The following CACNB2 variants were observed in gnomAD, a reference collection of about 807,000 sequenced individuals.
CACNB2 encodes voltage-dependent L-type calcium channel subunit beta-2.
In CACNB2, 42 loss-of-function variants were observed where a neutral mutation model predicts 73.3. The ratio of observed to expected loss-of-function variants is 0.57; its 90% CI spans 0.45 to 0.74. CACNB2 has a LOEUF of 0.74. Among genes scored for constraint, CACNB2 ranks in the 30% least tolerant of loss-of-function variants. CACNB2 has a pLI of 0.00. For synonymous variants in CACNB2, 348 were observed against 310.3 expected (o/e 1.12, Z -1.28); for missense variants, 940 against 853.0 (o/e 1.10, Z -1.27).
chr10:18,167,006 A>G lies in CACNB2; in HGVS notation c.213+16031A>G, dbSNP rs2131126733. The stretch of plus-strand genomic sequence containing the variant: ...CCGTTTCCTCTCCCGCTCATTGAGA[A>G]TAAGACTGGAAATCCTGGAAAGCCC... On this transcript the variant is annotated intron_variant, in intron 2 of 13. Coordinates refer to ENST00000324631, the MANE Select transcript of CACNB2 (RefSeq NM_201596.3). Among the ~76,000 whole-genome samples the G allele has an allele frequency of 2.0e-5, 3 of 152,354 alleles. No homozygotes were observed. The Middle Eastern group carries it at 0.01, about 518-fold the overall frequency.
intron 2 of CACNB2, among the ~76,000 whole-genome samples, chr10:18,276,546 C>T (rs1344132624): frequency 6.6e-6 from 1 of 151,992 alleles, no homozygotes; most frequent in Non-Finnish European, 1.5e-5. Context: ...ACGCACCCAG[C>T]TCTGTAATCC....
intron 3 of CACNB2, among the ~76,000 whole-genome samples, chr10:18,461,699 C>G (rs910503441): frequency 2.6e-4 from 40 of 151,810 alleles, no homozygotes; most frequent in African/African-American, 9.7e-4. Context: ...TAATGCCACC[C>G]ACTCACCCAC....
intron 3 of CACNB2, among the ~76,000 whole-genome samples, chr10:18,457,887 T>C (rs531168325): frequency 3.2e-4 from 49 of 151,048 alleles, no homozygotes; most frequent in African/African-American, 1.2e-3. Context: ...CAAAACTCCA[T>C]CTCAAAAAAG....
chr10:18,496,141 G>C (rs145884093), intron 3 of CACNB2, among the ~76,000 whole-genome samples: 1 of 137,406 alleles, frequency 7.3e-6, no homozygotes, highest in East Asian at 2.1e-4. Flanking sequence ...AGCTGGGATC[G>C]TGCCACTGCA....
At chr10:18,497,468 G>C (rs754764880) in intron 3 of CACNB2, among the ~76,000 whole-genome samples, 5 of 152,058 alleles carry the variant, frequency 3.3e-5, no homozygotes, top group African/African-American at 4.8e-5. Flanking sequence ...CCCCCGGGCT[G>C]GAGTGCAGTC....
At chr10:18,164,923 C>CTCAT (rs1184834677) in intron 2 of CACNB2, among the ~76,000 whole-genome samples, 2 of 152,170 alleles carry the variant, frequency 1.3e-5, no homozygotes, top group Non-Finnish European at 2.9e-5. Flanking sequence ...TTCTTACTGA[C>CTCAT]TCATTCATTC....
At chr10:18,261,886 A>G in intron 2 of CACNB2, 1 of 514,790 alleles carries the variant, frequency 1.9e-6, no homozygotes, top group Non-Finnish European at 3.9e-6. Flanking sequence ...TGGCTGTCTG[A>G]GTATTAAATT....
chr10:18,479,086 A>G lies in CACNB2; in HGVS notation c.334-19269A>G, dbSNP rs542710425. 3.3e-5 allele frequency among the ~76,000 whole-genome samples: 5 copies of G among 152,284 alleles called. No individual in the cohort carries two copies. In the South Asian group the frequency reaches 6.2e-4, roughly 19 times the overall value. ...TTAAAAAAAAGAAGACACCTCTTCA[A>G]ATTTTGACAGAGTTTAACTCTTTCA... On this transcript the variant is annotated intron_variant, in intron 3 of 13. Coordinates refer to ENST00000324631, the MANE Select transcript of CACNB2 (RefSeq NM_201596.3).
At chr10:18,448,491 A>G (rs2046850799) in intron 3 of CACNB2, among the ~76,000 whole-genome samples, 1 of 151,166 alleles carries the variant, frequency 6.6e-6, no homozygotes, top group Admixed American at 6.6e-5. Flanking sequence ...AAAAAAAAAA[A>G]AAAAAAAAAA....
chr10:18,500,784 T>C (rs752272617), intron 4 of CACNB2, 28 bp from the exon 5 acceptor site: 1 of 1,611,402 alleles, frequency 6.2e-7, no homozygotes, highest in Non-Finnish European at 8.5e-7. Context: ...TGTGCACTGA[T>C]TTTTAATGCT....
chr10:18,368,372 A>G (rs2042441282), intron 2 of CACNB2, among the ~76,000 whole-genome samples: 1 of 152,188 alleles, frequency 6.6e-6, no homozygotes, highest in Admixed American at 6.5e-5. Flanking sequence ...CCAGGAACTG[A>G]AAGTGATTGC....
intron 2 of CACNB2, among the ~76,000 whole-genome samples, chr10:18,348,838 G>A (rs539594535): frequency 1.3e-5 from 2 of 152,130 alleles, no homozygotes; most frequent in African/African-American, 2.4e-5. Flanking sequence ...TCAGAACTAG[G>A]CCAGGCAAGA....
intron 2 of CACNB2, among the ~76,000 whole-genome samples, chr10:18,265,842 G>A (rs2037773855): frequency 6.6e-6 from 1 of 152,180 alleles, no homozygotes; most frequent in Admixed American, 6.5e-5. Context: ...AGGAGATCAT[G>A]AAGCAGGGGA....
chr10:18,265,595 G>C (rs894604813), intron 2 of CACNB2, among the ~76,000 whole-genome samples: 2 of 152,174 alleles, frequency 1.3e-5, no homozygotes, highest in African/African-American at 4.8e-5. Flanking sequence ...TACTGACAGA[G>C]ATATATACAA....
At chr10:18,301,938 C>G (rs752525752) in intron 2 of CACNB2, among the ~76,000 whole-genome samples, 1 of 152,044 alleles carries the variant, frequency 6.6e-6, no homozygotes, top group Non-Finnish European at 1.5e-5. Flanking sequence ...TGAGCCACCG[C>G]GCCCAGCCGC....
At chr10:18,283,433 A>G (rs1043241745) in intron 2 of CACNB2, among the ~76,000 whole-genome samples, 3 of 152,224 alleles carry the variant, frequency 2.0e-5, no homozygotes, top group African/African-American at 4.8e-5. Flanking sequence ...ATGTCCACCA[A>G]TGATAGGCTG....
At chr10:18,348,276 A>G (rs567995612) in intron 2 of CACNB2, among the ~76,000 whole-genome samples, 2 of 152,364 alleles carry the variant, frequency 1.3e-5, no homozygotes, top group Admixed American at 1.3e-4. Flanking sequence ...GAAAATTTGG[A>G]AATTGTGGAA....
intron 3 of CACNB2, among the ~76,000 whole-genome samples, chr10:18,481,617 G>A (rs1004780956): frequency 6.6e-6 from 1 of 151,952 alleles, no homozygotes; most frequent in Non-Finnish European, 1.5e-5. Context: ...GAAGGATTGA[G>A]CCATCAATCA....
intron 3 of CACNB2, among the ~76,000 whole-genome samples, chr10:18,462,613 C>A (rs2047642154): frequency 6.6e-6 from 1 of 152,262 alleles, no homozygotes; most frequent in East Asian, 1.9e-4. Context: ...TCTGAGAGGA[C>A]TTTTATACCT....
Sources: gnomAD v4.1 joint callset for allele counts (sites outside exome capture counted in the v4.1 genomes callset) on GRCh38, gnomAD v4.1.1 for gene constraint, MANE v1.5 for transcripts, NCBI Gene and HGNC (gene_info 2026-07-23, HGNC 2026-07-21) for gene names.